The following ANKS6 variants were observed in gnomAD, a reference collection of about 807,000 sequenced individuals.
ANKS6 encodes the protein ankyrin repeat and SAM domain-containing protein 6.
Under a neutral mutation model 77.9 loss-of-function variants are expected in ANKS6, and 47 were observed. The ratio of observed to expected loss-of-function variants is 0.60; its 90% confidence interval spans 0.48 to 0.77. The LOEUF is 0.77. ANKS6 is among the 30% of genes least tolerant of loss of function. The probability of loss-of-function intolerance (pLI) is 0.00; values close to 1 mark genes in which losing one functional copy is unlikely to be tolerated. For synonymous variants in ANKS6, 488 were observed against 501.7 expected, an observed-to-expected ratio of 0.97 and a Z score of 0.37; for missense variants, 1,150 against 1,159.1, an observed-to-expected ratio of 0.99 and a Z score of 0.11.
At position 98,734,870 on chromosome 9, in the gene ANKS6, T is replaced by C. The variant is rs191028643; in HGVS notation, c.*1649A>G. ...AGTAACAGCTAAATGAAACACTTTG[T>C]CTTCAGTCCTGTGGAAAGTTGGCTT... On this transcript the variant is annotated 3_prime_UTR_variant, in exon 15 of 15. Transcript: ENST00000353234. 1 of 985,464 alleles carries C rather than the reference T, an allele frequency of 1.0e-6. No individual in the cohort carries two copies. The highest frequency in any genetic ancestry group is 1.2e-6 in the Non-Finnish European group (1 of 829,948). 61.0% of individuals were successfully genotyped at this position (985,464 alleles called of 1,614,324 possible). A position where few individuals can be genotyped will look rare whatever the true frequency, so the allele number is the denominator to read the frequency against.
At chr9:98,748,007 C>T (rs1326461328) in intron 13 of ANKS6, among the ~76,000 whole-genome samples, 1 of 152,252 alleles carries the variant, frequency 6.6e-6, no homozygotes, top group Non-Finnish European at 1.5e-5. Context: ...TCCGTTCCCC[C>T]TCTTTCTCCA....
chr9:98,761,086 A>T (rs1306007390), intron 11 of ANKS6, among the ~76,000 whole-genome samples: 3 of 152,238 alleles, frequency 2.0e-5, no homozygotes, highest in Admixed American at 6.5e-5. Context: ...TGACAGGTAT[A>T]TAGCTCTATC....
chr9:98,739,701 G>A (rs1191248192), intron 14 of ANKS6, among the ~76,000 whole-genome samples: 1 of 151,658 alleles, frequency 6.6e-6, no homozygotes, highest in Admixed American at 6.6e-5. Flanking sequence ...AACAGACCCT[G>A]TGTGGGTAGC....
intron 14 of ANKS6, among the ~76,000 whole-genome samples, chr9:98,741,687 A>G (rs991384806): frequency 1.3e-5 from 2 of 152,252 alleles, no homozygotes; most frequent in Non-Finnish European, 2.9e-5. Flanking sequence ...TCCGAAACTA[A>G]CAAACTAATG....
At chr9:98,786,569 C>T (rs1435467877) in intron 2 of ANKS6, among the ~76,000 whole-genome samples, 1 of 151,940 alleles carries the variant, frequency 6.6e-6, no homozygotes, top group Non-Finnish European at 1.5e-5. Flanking sequence ...GGATTACAGG[C>T]GTGAGCCACC....
chr9:98,739,325 G>C (rs1053371648), intron 14 of ANKS6, among the ~76,000 whole-genome samples: 5 of 152,116 alleles, frequency 3.3e-5, no homozygotes, highest in Non-Finnish European at 7.3e-5. Flanking sequence ...AATAGAAACT[G>C]GGCTGGGCAT....
At chr9:98,782,719 C>A in intron 4 of ANKS6, 146 bp from the exon 5 acceptor site, 1 of 635,418 alleles carries the variant, frequency 1.6e-6, no homozygotes, top group Non-Finnish European at 2.8e-6. Context: ...TTCTCTCATT[C>A]CCTAGCACGT....
chr9:98,780,418 G>A, intron 5 of ANKS6, 81 bp from the exon 6 acceptor site: 3 of 1,442,662 alleles, frequency 2.1e-6, no homozygotes, highest in Non-Finnish European at 2.8e-6. Context: ...ACCCCTGTTA[G>A]ACTTAGAACT....
Position 98,732,133 on chromosome 9 carries a change from G to A in ANKS6, c.*4386C>T, listed in dbSNP as rs1358376115. The A allele has an allele frequency of 3.6e-6, 1 of 274,106 alleles. No homozygotes were observed. The highest frequency in any genetic ancestry group is 7.0e-6 in the Non-Finnish European group (1 of 143,784). 17.0% of individuals were successfully genotyped at this position (274,106 alleles called of 1,614,324 possible). ...GAATGGACAAGGACAGCGACAGGAT[G>A]GTGCTTCACAGTGCCTCCTGCTGAT... On this transcript the variant is annotated 3_prime_UTR_variant, in exon 15 of 15. Coordinates refer to ENST00000353234, the MANE Select transcript of ANKS6 (RefSeq NM_173551.5).
chr9:98,737,227 T>A (rs1261081425), intron 14 of ANKS6, among the ~76,000 whole-genome samples: 1 of 152,140 alleles, frequency 6.6e-6, no homozygotes, highest in African/African-American at 2.4e-5. Context: ...GCAGCAATAC[T>A]CAGAGGTTAA....
At chr9:98,789,035 CTT>C (rs111230371) in intron 2 of ANKS6, among the ~76,000 whole-genome samples, 30 of 137,188 alleles carry the variant, frequency 2.2e-4, no homozygotes, top group Non-Finnish European at 1.7e-4. Context: ...TGGTGTATTT[CTT>C]TTTTTTTTTT....
Position 98,734,729 on chromosome 9 carries a change from G to C in ANKS6, c.*1790C>G. 1.8e-5 allele frequency: 17 copies of C among 950,186 alleles called. No homozygotes were observed. Among genetic ancestry groups the C allele is most frequent in the Non-Finnish European group, 2.1e-5 (17 of 797,930 alleles). 58.9% of individuals were successfully genotyped at this position (950,186 alleles called of 1,614,324 possible). On this transcript the variant is annotated 3_prime_UTR_variant, in exon 15 of 15. Coordinates refer to ENST00000353234, the MANE Select transcript of ANKS6 (RefSeq NM_173551.5). Reference sequence around the variant, plus strand: ...ATGAGGTTACACAATGCCACCTCCAGGGTGGCCATGAGGATGAAATGACAA... The same window carrying C: ...ATGAGGTTACACAATGCCACCTCCACGGTGGCCATGAGGATGAAATGACAA...
At chr9:98,759,369 T>A (rs1832893544) in intron 11 of ANKS6, among the ~76,000 whole-genome samples, 1 of 152,196 alleles carries the variant, frequency 6.6e-6, no homozygotes, top group Non-Finnish European at 1.5e-5. Flanking sequence ...TACACACCAA[T>A]CAATTAATCA....
In ANKS6 at chr9:98,790,087, G is replaced by C. The variant is rs1474105452; in HGVS notation, c.862+17C>G. ...TTTGGGGTCCTCTGTGAAGCCACGG[G>C]GGGCATGCAGCCTGACCTGTTTTGG... is the stretch of plus-strand genomic sequence containing the variant. On this transcript the variant is annotated intron_variant, in intron 2 of 14. Transcript: ENST00000353234. 3 of 1,538,860 alleles carry C rather than the reference G, an allele frequency of 1.9e-6. No individual in the cohort carries two copies. Among genetic ancestry groups the C allele is most frequent in the Non-Finnish European group, 2.6e-6 (3 of 1,136,906 alleles).
intron 2 of ANKS6, among the ~76,000 whole-genome samples, chr9:98,789,526 C>A (rs914872770): frequency 1.3e-5 from 2 of 151,206 alleles, no homozygotes; most frequent in Admixed American, 6.6e-5. Context: ...ATGATCAGGG[C>A]AGAGGAGGTC....
chr9:98,745,724 C>A, intron 13 of ANKS6, 49 bp from the exon 14 acceptor site: 1 of 1,432,810 alleles, frequency 7.0e-7, no homozygotes, highest in South Asian at 1.1e-5. Context: ...GCCACAGTTT[C>A]TTCCCAGTCA....
intron 14 of ANKS6, among the ~76,000 whole-genome samples, chr9:98,737,586 A>C (rs951094850): frequency 6.6e-6 from 1 of 152,240 alleles, no homozygotes; most frequent in Non-Finnish European, 1.5e-5. Context: ...ATCATAGATG[A>C]CACAAACAAG....
intron 2 of ANKS6, 28 bp from the exon 3 acceptor site, chr9:98,784,904 A>AC: frequency 6.2e-7 from 1 of 1,606,840 alleles, no homozygotes; most frequent in Non-Finnish European, 8.5e-7. Flanking sequence ...TTTAAAGTTA[A>AC]CCACGGAAAG....
intron 11 of ANKS6, 119 bp from the exon 12 acceptor site, chr9:98,756,722 G>A: frequency 2.4e-6 from 2 of 847,548 alleles, no homozygotes; most frequent in Admixed American, 3.8e-5. Flanking sequence ...GTTTAACCAA[G>A]ACTATGAAAT....
Sources: allele counts gnomAD v4.1 joint callset (sites outside exome capture counted in the v4.1 genomes callset), GRCh38; gene constraint gnomAD v4.1.1; transcripts MANE v1.5; gene names NCBI Gene and HGNC (gene_info 2026-07-23, HGNC 2026-07-21).